RPS8: variants seen among roughly 807,000 people sequenced by gnomAD.
RPS8 encodes the protein ribosomal protein S8, also known as small ribosomal subunit protein eS8.
For missense variants in RPS8, 141 were observed against 269.7 expected, an observed-to-expected ratio of 0.52 and a Z score of 3.34; for synonymous variants, 100 against 100.7, an observed-to-expected ratio of 0.99 and a Z score of 0.04.
At position 44,775,762 on chromosome 1, in the gene RPS8, G is replaced by A. The variant is rs3806399; in HGVS notation, c.4+162G>A. ...GTTTCGGCCGCCCAGCCCGTCTCTG[G>A]GGGCTGCGAAGGCTCTGGGCTCCGG... On this transcript the variant is annotated intron_variant, in intron 1 of 5. Transcript: ENST00000396651. 1,718 of 1,027,482 alleles carry A rather than the reference G, an allele frequency of 1.7e-3. 32 individuals carry two copies. The East Asian group carries it at 0.033, about 20-fold the overall frequency. 63.6% of individuals were successfully genotyped at this position (1,027,482 alleles called of 1,614,324 possible).
At chr1:44,778,555 G>T in intron 5 of RPS8, 21 bp from the exon 6 acceptor site, 1 of 1,599,020 alleles carries the variant, frequency 6.3e-7, no homozygotes, top group Non-Finnish European at 8.6e-7. Context: ...GTTGTGCTAA[G>T]GATCACCTAC....
At chr1:44,776,839 G>C in intron 3 of RPS8, 65 bp downstream of exon 3, 2 of 1,293,900 alleles carry the variant, frequency 1.5e-6, no homozygotes, top group Non-Finnish European at 2.2e-6. Context: ...TTCACCAAGT[G>C]GGCCTGGCGC....
chr1:44,777,328 C>T (rs1650892840), intron 3 of RPS8: 1 of 348,012 alleles, frequency 2.9e-6, no homozygotes, highest in Non-Finnish European at 5.3e-6. Context: ...GCCTTGACCT[C>T]CCAAAGTGCT....
chr1:44,778,049 A>G lies in RPS8; in HGVS notation c.437A>G (p.Gln146Arg). The G allele has an allele frequency of 1.2e-6, 2 of 1,613,502 alleles. No homozygotes were observed. The highest frequency in any genetic ancestry group is 1.7e-6 in the Non-Finnish European group (2 of 1,179,610). Residue 146 changes from glutamine to arginine, a missense_variant, in exon 5 of 6, where the codon CAG becomes CGG. By Grantham distance (43) the Gln-to-Arg change is conservative. Transcript: ENST00000396651. ...ILNKKRSKKI[Q>R]KKYDERKKNA... ...AACAAAAAACGATCTAAAAAAATTCAGAAGAAATATGATGAAAGGAAAAAG... is the reference window on the plus strand; with the variant it reads ...AACAAAAAACGATCTAAAAAAATTCGGAAGAAATATGATGAAAGGAAAAAG...
intron 2 of RPS8, chr1:44,776,367 A>G (rs1168036880): frequency 1.4e-6 from 1 of 690,854 alleles, no homozygotes; most frequent in Non-Finnish European, 2.6e-6. Flanking sequence ...AGAGAAGGAT[A>G]CTGTGTGGGG....
chr1:44,776,226 G>A, intron 2 of RPS8, 86 bp downstream of exon 2: 1 of 972,490 alleles, frequency 1.0e-6, no homozygotes, highest in Non-Finnish European at 1.5e-6. Flanking sequence ...TGACAGTTGT[G>A]CGTTCTTTCT....
In RPS8 at chr1:44,778,107, G is replaced by A. The variant is rs1451817344; in HGVS notation, c.495G>A (p.Gln165=). The A allele has an allele frequency of 1.3e-6, 2 of 1,598,198 alleles. No homozygotes were observed. The highest frequency in any genetic ancestry group is 1.8e-5 in the Admixed American group (1 of 55,914). The change falls in exon 5 of 6, where the codon CAG becomes CAA. Residue 165 remains glutamine (Q), a synonymous_variant. Transcript: ENST00000396651. The part of the protein sequence containing the change: ...NAKISSLLEE[Q]FQQGKLLACI... ...AAATCAGCAGTCTCCTGGAGGAGCA[G>A]TTCCAGCAGGGCAAGCTTCTTGGTG...
chr1:44,778,765 G>C lies in RPS8; in HGVS notation c.*80G>C, dbSNP rs1213843239. ...ATTTATGTTGCCTGAATATATGACTGTTTTCTCTGCTTTATTTCCTTGCCC... is the reference window on the plus strand; with the variant it reads ...ATTTATGTTGCCTGAATATATGACTCTTTTCTCTGCTTTATTTCCTTGCCC... On this transcript the variant is annotated 3_prime_UTR_variant, in exon 6 of 6. Coordinates refer to ENST00000396651, the MANE Select transcript of RPS8 (RefSeq NM_001012.2). 5 of 1,000,936 alleles carry C rather than the reference G, an allele frequency of 5.0e-6. No homozygotes were observed. Among genetic ancestry groups the C allele is most frequent in the Admixed American group, 2.4e-5 (1 of 41,260 alleles). 62.0% of individuals were successfully genotyped at this position (1,000,936 alleles called of 1,614,324 possible).
rs765963104 is a variant in RPS8, at chr1:44,775,607, G to A, written c.4+7G>A. 1.9e-6 allele frequency: 3 copies of A among 1,614,140 alleles called. No individual in the cohort carries two copies. The highest frequency in any genetic ancestry group is 2.5e-6 in the Non-Finnish European group (3 of 1,179,968). The stretch of plus-strand genomic sequence containing the variant: ...AGCCAGCGCCGAGCGATGGGTGAGT[G>A]TCGCTCTGCATTGAGGCGGGTGAAG... On this transcript the variant is annotated splice_region_variant and intron_variant, in intron 1 of 5. Transcript: ENST00000396651.
intron 1 of RPS8, 74 bp from the exon 2 acceptor site, chr1:44,775,960 G>A (rs1284278379): frequency 2.8e-6 from 4 of 1,404,352 alleles, no homozygotes; most frequent in Admixed American, 1.7e-5. Flanking sequence ...CCGGCGCGGG[G>A]GTCTCCGGGA....
intron 1 of RPS8, 32 bp downstream of exon 1, chr1:44,775,632 G>T (rs750772766): frequency 6.2e-7 from 1 of 1,613,938 alleles, no homozygotes. Flanking sequence ...GGCGGGTGAA[G>T]GGAGGTTGAG....
Position 44,776,100 on chromosome 1 carries a change from A to T in RPS8, c.71A>T (p.Lys24Met). 1 of 1,609,324 alleles carries T rather than the reference A, an allele frequency of 6.2e-7. No homozygotes were observed. Among genetic ancestry groups the T allele is most frequent in the Non-Finnish European group, 8.5e-7 (1 of 1,178,732 alleles). ...GGCAAGAGAAAGCCCTACCACAAGA[A>T]GCGGAAGTATGAGTTGGGGCGCCCA... ...TGGKRKPYHK[K>M]RKYELGRPAA... Residue 24 changes from lysine to methionine, a missense_variant, in exon 2 of 6, where the codon AAG becomes ATG. Coordinates refer to ENST00000396651, the MANE Select transcript of RPS8 (RefSeq NM_001012.2).
intron 3 of RPS8, chr1:44,777,367 G>T (rs539633024): frequency 2.1e-6 from 1 of 487,246 alleles, no homozygotes. Flanking sequence ...CACCGTGCCC[G>T]ACCTGCTCTG....
Position 44,778,707 on chromosome 1 carries a change from A to G in RPS8, c.*22A>G, listed in dbSNP as rs748415930. The G allele has an allele frequency of 4.0e-6, 6 of 1,489,808 alleles. No homozygotes were observed. Among genetic ancestry groups the G allele is most frequent in the Admixed American group, 1.8e-5 (1 of 55,596 alleles). 92.3% of individuals were successfully genotyped at this position (1,489,808 alleles called of 1,614,324 possible). ...ATAAATCCTTGTTTTGTCTTCACCC[A>G]TGTAATAAAGGTGTTTATTGTTTTG... On this transcript the variant is annotated 3_prime_UTR_variant, in exon 6 of 6. Transcript: ENST00000396651.
At chr1:44,777,926 G>A (rs1650915914) in intron 4 of RPS8, 74 bp from the exon 5 acceptor site, 1 of 1,583,246 alleles carries the variant, frequency 6.3e-7, no homozygotes, top group Non-Finnish European at 8.7e-7. Flanking sequence ...CAGCACTGGG[G>A]TGTGCAGGGT....
In RPS8 at chr1:44,775,569, G is replaced by A; in HGVS notation, c.-28G>A. 2 of 1,614,098 alleles carry A rather than the reference G, an allele frequency of 1.2e-6. No individual in the cohort carries two copies. The highest frequency in any genetic ancestry group is 1.1e-5 in the South Asian group (1 of 91,088). On this transcript the variant is annotated 5_prime_UTR_variant, in exon 1 of 6. Transcript: ENST00000396651. ...TACAAACCGAACCGTGAATCTTTGC[G>A]GTTTCTCTTTCCAGCCAGCGCCGAG...
rs899869521 is a variant in RPS8 at position 44,775,606 on chromosome 1, T to C, written c.4+6T>C. ...CAGCCAGCGCCGAGCGATGGGTGAGTGTCGCTCTGCATTGAGGCGGGTGAA... is the reference window on the plus strand; with the variant it reads ...CAGCCAGCGCCGAGCGATGGGTGAGCGTCGCTCTGCATTGAGGCGGGTGAA... On this transcript the variant is annotated splice_donor_region_variant and intron_variant, in intron 1 of 5. Transcript: ENST00000396651. 3.1e-6 allele frequency: 5 copies of C among 1,613,922 alleles called. No homozygotes were observed. Among genetic ancestry groups the C allele is most frequent in the Non-Finnish European group, 4.2e-6 (5 of 1,179,960 alleles).
rs746729139 is a variant in RPS8 at position 44,775,961 on chromosome 1, G to C, written c.5-73G>C. 4 of 1,413,654 alleles carry C rather than the reference G, an allele frequency of 2.8e-6. No homozygotes were observed. The East Asian group carries it at 6.8e-5, about 24-fold the overall frequency. 87.6% of individuals were successfully genotyped at this position (1,413,654 alleles called of 1,614,324 possible). ...AGCGTGCGACCGGCCCGGCGCGGGGGTCTCCGGGAGCTGGCGAGTCGCTAG... is the reference window on the plus strand; with the variant it reads ...AGCGTGCGACCGGCCCGGCGCGGGGCTCTCCGGGAGCTGGCGAGTCGCTAG... On this transcript the variant is annotated intron_variant, in intron 1 of 5. Transcript: ENST00000396651.
At chr1:44,775,849 C>T in intron 1 of RPS8, 185 bp from the exon 2 acceptor site, 1 of 803,118 alleles carries the variant, frequency 1.2e-6, no homozygotes, top group Non-Finnish European at 2.2e-6. Flanking sequence ...AGGAGGAGGC[C>T]CCGGCCTGGC....
Sources: gnomAD v4.1 joint callset for allele counts on GRCh38, gnomAD v4.1.1 for gene constraint, MANE v1.5 for transcripts, NCBI Gene and HGNC (gene_info 2026-07-23, HGNC 2026-07-21) for gene names.